Variants in PEAK1 observed in about 807,000 individuals in gnomAD.
PEAK1 encodes pseudopodium enriched atypical kinase 1.
Under a neutral mutation model 124.7 loss-of-function variants are expected in PEAK1, and 54 were observed. That is an observed-to-expected ratio of 0.43 (90% CI 0.35 to 0.54). PEAK1 has a LOEUF of 0.54. PEAK1 is among the 20% of genes least tolerant of loss of function. The probability of loss-of-function intolerance (pLI) is 0.01; values close to 1 mark genes in which losing one functional copy is unlikely to be tolerated. For synonymous variants in PEAK1, 719 were observed against 760.0 expected, an observed-to-expected ratio of 0.95 and a Z score of 0.89; for missense variants, 2,046 against 2,134.5, an observed-to-expected ratio of 0.96 and a Z score of 0.82.
chr15:77,346,943 T>C (rs764534073), intron 2 of PEAK1, among the ~76,000 whole-genome samples: 1 of 152,172 alleles, frequency 6.6e-6, no homozygotes, highest in Non-Finnish European at 1.5e-5. Flanking sequence ...AACGCAGCCA[T>C]GTAATAAAGT....
chr15:77,214,103 T>C (rs879614369), intron 6 of PEAK1, among the ~76,000 whole-genome samples: 1 of 152,270 alleles, frequency 6.6e-6, no homozygotes, highest in Non-Finnish European at 1.5e-5. Context: ...GTGTGTATCA[T>C]TATTTCGCTC....
At chr15:77,384,854 A>C (rs571798288) in intron 1 of PEAK1, among the ~76,000 whole-genome samples, 5 of 152,282 alleles carry the variant, frequency 3.3e-5, no homozygotes, top group African/African-American at 1.2e-4. Context: ...CTTTTGCTGT[A>C]TGTCAACAGT....
intron 5 of PEAK1, among the ~76,000 whole-genome samples, chr15:77,282,451 G>A (rs1013957790): frequency 6.6e-6 from 1 of 151,992 alleles, no homozygotes; most frequent in Non-Finnish European, 1.5e-5. Flanking sequence ...AGTTTAAAAA[G>A]TTAAAAGGCT....
At chr15:77,280,811 T>C (rs956690156) in intron 5 of PEAK1, among the ~76,000 whole-genome samples, 2 of 152,172 alleles carry the variant, frequency 1.3e-5, no homozygotes, top group Non-Finnish European at 2.9e-5. Flanking sequence ...GATTATTAGA[T>C]AGCACTCTCA....
intron 2 of PEAK1, among the ~76,000 whole-genome samples, chr15:77,358,605 G>A (rs1469840960): frequency 6.6e-6 from 1 of 152,138 alleles, no homozygotes; most frequent in Non-Finnish European, 1.5e-5. Context: ...AGCATTGGGG[G>A]ATTTAAAAAT....
chr15:77,187,067 G>A (rs2057583088), intron 6 of PEAK1, among the ~76,000 whole-genome samples: 2 of 152,310 alleles, frequency 1.3e-5, no homozygotes, highest in South Asian at 2.1e-4. Flanking sequence ...GAACAGGTCT[G>A]ATACAGAGCA....
In PEAK1 at chr15:77,114,965, A is replaced by T; in HGVS notation, c.4432T>A (p.Ser1478Thr). The T allele has an allele frequency of 6.2e-7, 1 of 1,614,072 alleles. No individual in the cohort carries two copies. The highest frequency in any genetic ancestry group is 2.2e-5 in the East Asian group (1 of 44,862). The change falls in exon 10 of 10, where the codon TCT becomes ACT. Residue 1478 changes from serine to threonine, a missense_variant. Transcript: ENST00000682557. ...CLTVADFVRD[S>T]LAQHGKSPDL... ...GGGCTTTTCCCATGCTGGGCCAGAG[A>T]GTCTCGCACAAAATCAGCCACAGTA...
intron 2 of PEAK1, among the ~76,000 whole-genome samples, chr15:77,354,805 C>T (rs1030379294): frequency 6.6e-6 from 1 of 152,044 alleles, no homozygotes; most frequent in East Asian, 1.9e-4. Flanking sequence ...TTTGGGAGGC[C>T]GATGGTGGAG....
intron 9 of PEAK1, among the ~76,000 whole-genome samples, chr15:77,121,174 C>T (rs915122551): frequency 6.6e-6 from 1 of 152,052 alleles, no homozygotes; most frequent in Non-Finnish European, 1.5e-5. Flanking sequence ...CAACTGATCC[C>T]ATCACCCAGG....
chr15:77,350,778 T>A lies in PEAK1; in HGVS notation c.-603+14385A>T, dbSNP rs557317775. 10 of 981,216 alleles carry A rather than the reference T, an allele frequency of 1.0e-5. No homozygotes were observed. The East Asian group carries it at 9.1e-4, about 89-fold the overall frequency. The allele number at this position is 981,216 out of a possible 1,614,324, so 60.8% of individuals were successfully genotyped here. ...TTAATAAAGACAGATCAATTCTGTA[T>A]AACCTATTTTGTTTTTTATTCAAAT... On this transcript the variant is annotated intron_variant, in intron 2 of 9. Coordinates refer to ENST00000682557, the MANE Select transcript of PEAK1 (RefSeq NM_001385026.1).
At chr15:77,324,448 G>A (rs571363551) in intron 2 of PEAK1, among the ~76,000 whole-genome samples, 35 of 152,198 alleles carry the variant, frequency 2.3e-4, no homozygotes, top group South Asian at 2.1e-3. Context: ...ACCACTGGGC[G>A]ACAGAGTGAG....
chr15:77,418,985 G>T (rs570624226), intron 1 of PEAK1: 1 of 984,880 alleles, frequency 1.0e-6, no homozygotes, highest in South Asian at 4.7e-5. Context: ...TTAATTCAAC[G>T]TATGATCTTA....
chr15:77,341,492 T>C (rs941551538), intron 2 of PEAK1, among the ~76,000 whole-genome samples: 2 of 150,858 alleles, frequency 1.3e-5, no homozygotes, highest in African/African-American at 4.9e-5. Context: ...AGAGTAAGAC[T>C]GCATCTCAAA....
At chr15:77,333,994 T>A (rs947601031) in intron 2 of PEAK1, 1 of 446,428 alleles carries the variant, frequency 2.2e-6, no homozygotes, top group Non-Finnish European at 3.0e-6. Flanking sequence ...TTCATAGATT[T>A]GGGAAGAATT....
chr15:77,171,982 T>C (rs1334509984), intron 7 of PEAK1, among the ~76,000 whole-genome samples: 3 of 152,308 alleles, frequency 2.0e-5, no homozygotes, highest in East Asian at 3.9e-4. Context: ...GATTAAAGTA[T>C]ATGAAAAATA....
intron 2 of PEAK1, chr15:77,335,668 C>G: frequency 2.8e-6 from 2 of 709,320 alleles, no homozygotes; most frequent in Non-Finnish European, 3.5e-6. Flanking sequence ...GTTGTAAAGA[C>G]AGGGTCTTGC....
chr15:77,390,152 A>G (rs544263719), intron 1 of PEAK1, among the ~76,000 whole-genome samples: 30 of 152,234 alleles, frequency 2.0e-4, no homozygotes, highest in Non-Finnish European at 4.0e-4. Context: ...GAAAATGTCA[A>G]TAACACAGCA....
At chr15:77,286,317 C>A in intron 3 of PEAK1, 106 bp downstream of exon 3, 5 of 556,390 alleles carry the variant, frequency 9.0e-6, no homozygotes, top group Non-Finnish European at 1.3e-5. Context: ...ACTACTATGG[C>A]AAGGTTTAAA....
intron 6 of PEAK1, among the ~76,000 whole-genome samples, chr15:77,227,335 A>G (rs1333827466): frequency 1.3e-5 from 2 of 152,182 alleles, no homozygotes; most frequent in Non-Finnish European, 2.9e-5. Flanking sequence ...GTGGAGTAGT[A>G]TAAGTAACAC....
Sources: allele counts gnomAD v4.1 joint callset (sites outside exome capture counted in the v4.1 genomes callset), GRCh38; gene constraint gnomAD v4.1.1; transcripts MANE v1.5; gene names NCBI Gene and HGNC (gene_info 2026-07-23, HGNC 2026-07-21).